CACNG5: variants seen among roughly 807,000 people sequenced by gnomAD.
CACNG5 encodes the protein voltage-dependent calcium channel gamma-5 subunit.
Under a neutral mutation model 24.8 loss-of-function variants are expected in CACNG5, and 18 were observed. The ratio of observed to expected loss-of-function variants is 0.73; its 90% CI spans 0.50 to 1.08. The LOEUF (loss-of-function observed/expected upper bound fraction) is 1.08. Among genes scored for constraint, CACNG5 ranks in the 50% least tolerant of loss-of-function variants. CACNG5 has a pLI of 0.00. For missense variants in CACNG5, 349 were observed against 367.9 expected (o/e 0.95, Z 0.42); for synonymous variants, 157 against 149.1 (o/e 1.05, Z -0.39).
rs147795750 is a variant in CACNG5, at chr17:66,872,047, G to A, written c.-103-5183G>A. ...AATCTTTAATTTAGTTTTCTTCTCT[G>A]ATTCTGGAAACAATACATGTTCTTT... On this transcript the variant is annotated intron_variant, in intron 1 of 5. Transcript: ENST00000533854. Among the ~76,000 whole-genome samples the A allele has an allele frequency of 2.2e-3, 336 of 152,266 alleles. 1 individual carries two copies. Among genetic ancestry groups the A allele is most frequent in the African/African-American group, 8.0e-3 (331 of 41,544 alleles).
chr17:66,849,294 A>AC (rs1472488678), intron 1 of CACNG5, among the ~76,000 whole-genome samples: 1 of 132,874 alleles, frequency 7.5e-6, no homozygotes, highest in Non-Finnish European at 1.6e-5. Context: ...CCTCTGAGGC[A>AC]CCCGGGGTTG....
chr17:66,865,739 C>T (rs1976919524), intron 1 of CACNG5, among the ~76,000 whole-genome samples: 1 of 151,646 alleles, frequency 6.6e-6, no homozygotes, highest in South Asian at 2.1e-4. Flanking sequence ...ATGCCATTCT[C>T]CTGCATCAGC....
chr17:66,880,443 G>T, intron 3 of CACNG5, 114 bp from the exon 4 acceptor site: 1 of 1,306,548 alleles, frequency 7.7e-7, no homozygotes, highest in East Asian at 2.4e-5. Context: ...ACCCCTGCAG[G>T]GGTGGGGCTT....
At chr17:66,881,428 G>A (rs2143122761) in intron 4 of CACNG5, among the ~76,000 whole-genome samples, 1 of 152,230 alleles carries the variant, frequency 6.6e-6, no homozygotes, top group Non-Finnish European at 1.5e-5. Flanking sequence ...CTGTCCTCAG[G>A]AGACTCCTGC....
intron 2 of CACNG5, among the ~76,000 whole-genome samples, chr17:66,878,689 A>C (rs1977117390): frequency 6.6e-6 from 1 of 152,166 alleles, no homozygotes; most frequent in Admixed American, 6.5e-5. Context: ...TTCACTCAGC[A>C]TGGAGAGTTT....
At chr17:66,843,050 A>C (rs1263104587) in intron 1 of CACNG5, among the ~76,000 whole-genome samples, 17 of 152,232 alleles carry the variant, frequency 1.1e-4, no homozygotes, top group Non-Finnish European at 1.5e-5. Context: ...AATAACTCCC[A>C]CCACTTTGGA....
At chr17:66,845,804 G>GGAGGGAGGA (rs1976632516) in intron 1 of CACNG5, among the ~76,000 whole-genome samples, 1 of 152,160 alleles carries the variant, frequency 6.6e-6, no homozygotes, top group African/African-American at 2.4e-5. Context: ...GTCCCCCAGT[G>GGAGGGAGGA]CTAATCACAG....
chr17:66,855,119 C>T (rs1221979926), intron 1 of CACNG5, among the ~76,000 whole-genome samples: 1 of 152,212 alleles, frequency 6.6e-6, no homozygotes, highest in Non-Finnish European at 1.5e-5. Context: ...CCCATTTCAC[C>T]CCTTAAACAC....
chr17:66,839,855 C>T (rs796478900), intron 1 of CACNG5, among the ~76,000 whole-genome samples: 4 of 152,256 alleles, frequency 2.6e-5, no homozygotes, highest in African/African-American at 7.2e-5. Flanking sequence ...GAAGTCCTGT[C>T]GGGTAAGTGT....
Position 66,885,314 on chromosome 17 carries a change from C to CCCCAGGCCTGTGGTTGACAGG in CACNG5, c.*83_*103dup, listed in dbSNP as rs1475482194. 1.3e-6 allele frequency: 2 copies of CCCCAGGCCTGTGGTTGACAGG among 1,495,520 alleles called. No individual in the cohort carries two copies. Among genetic ancestry groups the CCCCAGGCCTGTGGTTGACAGG allele is most frequent in the Admixed American group, 4.4e-5 (2 of 45,456 alleles). The allele number at this position is 1,495,520 out of a possible 1,614,324, so 92.6% of individuals were successfully genotyped here. A position where few individuals can be genotyped will look rare whatever the true frequency, so the allele number is the denominator to read the frequency against. On this transcript the variant is annotated 3_prime_UTR_variant, in exon 6 of 6. Transcript: ENST00000533854. ...CTGTTCTCTCCAGGTGACCCCTGAG[C>CCCCAGGCCTGTGGTTGACAGG]CCCAGGCCTGTGGTTGACAGGCCCA...
chr17:66,843,808 G>T (rs143991390), intron 1 of CACNG5, among the ~76,000 whole-genome samples: 5 of 152,252 alleles, frequency 3.3e-5, no homozygotes, highest in South Asian at 2.1e-4. Flanking sequence ...GGTCCTGGGT[G>T]GGGGGAGGCA....
intron 1 of CACNG5, among the ~76,000 whole-genome samples, chr17:66,853,877 A>G (rs2143053824): frequency 6.6e-6 from 1 of 152,304 alleles, no homozygotes; most frequent in South Asian, 2.1e-4. Flanking sequence ...TTCAAATTAG[A>G]CAAGAATATC....
At chr17:66,866,251 T>C (rs1442722747) in intron 1 of CACNG5, among the ~76,000 whole-genome samples, 1 of 152,120 alleles carries the variant, frequency 6.6e-6, no homozygotes, top group Non-Finnish European at 1.5e-5. Flanking sequence ...TAGGCCCCAC[T>C]ATGGATGGTA....
At chr17:66,875,155 C>A (rs1977058572) in intron 1 of CACNG5, among the ~76,000 whole-genome samples, 2 of 152,112 alleles carry the variant, frequency 1.3e-5, no homozygotes, top group African/African-American at 4.8e-5. Flanking sequence ...CAAGCGGCAG[C>A]ACCTCTGATT....
In CACNG5 at chr17:66,893,995, G is replaced by A. The variant is rs874368; in HGVS notation, c.*8755G>A. Among the ~76,000 whole-genome samples, 69,980 of 151,820 alleles carry A rather than the reference G, an allele frequency of 0.46. 16,719 individuals are homozygous for A. The highest frequency in any genetic ancestry group is 0.59 in the African/African-American group (24,244 of 41,358). On this transcript the variant is annotated 3_prime_UTR_variant, in exon 6 of 6. Transcript: ENST00000533854. The stretch of plus-strand genomic sequence containing the variant: ...CCAGGGTTGCATGGGAATCCAATGG[G>A]GAGGGGATGGCAGTGGCTGCCAGGC...
chr17:66,847,133 G>C (rs1221853063), intron 1 of CACNG5, among the ~76,000 whole-genome samples: 1 of 152,178 alleles, frequency 6.6e-6, no homozygotes, highest in African/African-American at 2.4e-5. Context: ...TCAGAGGCTT[G>C]AGGCTTGAAG....
chr17:66,846,359 A>G (rs900423527), intron 1 of CACNG5, among the ~76,000 whole-genome samples: 1 of 152,194 alleles, frequency 6.6e-6, no homozygotes, highest in African/African-American at 2.4e-5. Context: ...GAATATTTTC[A>G]TCACCCGTGA....
rs62071015 is a variant in CACNG5 at position 66,885,651 on chromosome 17, G to A, written c.*411G>A. On this transcript the variant is annotated 3_prime_UTR_variant, in exon 6 of 6. Transcript: ENST00000533854. The stretch of plus-strand genomic sequence containing the variant: ...TCCTTACACAGATGCAGCTGGACTC[G>A]TGCACTTGCCAACTGGCCTGGCCAT... Among the ~76,000 whole-genome samples, 6,659 of 152,270 alleles carry A rather than the reference G, an allele frequency of 0.044. 200 individuals are homozygous for A. The highest frequency in any genetic ancestry group is 0.059 in the Non-Finnish European group (3,992 of 68,012).
chr17:66,855,606 C>T (rs1483544564), intron 1 of CACNG5, among the ~76,000 whole-genome samples: 1 of 152,196 alleles, frequency 6.6e-6, no homozygotes, highest in Non-Finnish European at 1.5e-5. Context: ...TCACTGCAAC[C>T]TCTGCCTCCA....
Sources: gnomAD v4.1 joint callset for allele counts (sites outside exome capture counted in the v4.1 genomes callset) on GRCh38, gnomAD v4.1.1 for gene constraint, MANE v1.5 for transcripts, NCBI Gene and HGNC (gene_info 2026-07-23, HGNC 2026-07-21) for gene names.